ADGRB3: variants seen among roughly 807,000 people sequenced by gnomAD.
The protein encoded by ADGRB3 is adhesion G protein-coupled receptor B3, also known as brain-specific angiogenesis inhibitor 3.
In ADGRB3, 37 loss-of-function variants were observed where a neutral mutation model predicts 193.4. That is an observed-to-expected ratio of 0.19 (90% confidence interval 0.15 to 0.25). ADGRB3 has a LOEUF of 0.25. ADGRB3 is among the 10% of genes least tolerant of loss of function. ADGRB3 has a pLI of 1.00. For missense variants in ADGRB3, 1,637 were observed against 1,852.9 expected (o/e 0.88, Z 2.14); for synonymous variants, 690 against 644.2 (o/e 1.07, Z -1.08).
chr6:69,111,443 T>C (rs1773363276), intron 17 of ADGRB3, among the ~76,000 whole-genome samples: 1 of 152,198 alleles, frequency 6.6e-6, no homozygotes, highest in Admixed American at 6.5e-5. Context: ...AGACAGTGTG[T>C]AGCCCTGTTT....
chr6:69,317,229 G>A (rs1015903477), intron 20 of ADGRB3, among the ~76,000 whole-genome samples: 3 of 151,440 alleles, frequency 2.0e-5, no homozygotes, highest in Non-Finnish European at 3.0e-5. Flanking sequence ...TTCACAGTAC[G>A]TACATCAAAG....
intron 30 of ADGRB3, among the ~76,000 whole-genome samples, chr6:69,376,425 A>G (rs73473356): frequency 0.064 from 9,691 of 151,632 alleles, 958 homozygotes; most frequent in African/African-American, 0.22. Context: ...ACATTTTAGG[A>G]TATTTCTCTG....
At chr6:69,150,966 C>T (rs1178658210) in intron 17 of ADGRB3, among the ~76,000 whole-genome samples, 3 of 152,228 alleles carry the variant, frequency 2.0e-5, no homozygotes, top group African/African-American at 7.2e-5. Flanking sequence ...TGTGGCTGAG[C>T]TAGCATCCAA....
At chr6:68,751,611 G>A (rs906387823) in intron 3 of ADGRB3, among the ~76,000 whole-genome samples, 8 of 152,216 alleles carry the variant, frequency 5.3e-5, no homozygotes, top group Middle Eastern at 3.4e-3. Flanking sequence ...TACCAAGGGA[G>A]CATTTTGCCC....
chr6:69,031,553 TTC>T (rs1770702545), intron 13 of ADGRB3, among the ~76,000 whole-genome samples: 1 of 108,706 alleles, frequency 9.2e-6, no homozygotes, highest in Non-Finnish European at 1.9e-5. Flanking sequence ...TTCTTTCTTT[TTC>T]TTTCTTTCTT....
At chr6:69,008,908 A>G (rs986175670) in intron 11 of ADGRB3, among the ~76,000 whole-genome samples, 2 of 152,162 alleles carry the variant, frequency 1.3e-5, no homozygotes, top group Non-Finnish European at 2.9e-5. Flanking sequence ...AATAAGTGTC[A>G]TCTCTTATTC....
chr6:69,368,179 A>G (rs1035573114), intron 29 of ADGRB3, among the ~76,000 whole-genome samples: 1 of 152,150 alleles, frequency 6.6e-6, no homozygotes, highest in African/African-American at 2.4e-5. Context: ...TGATTTTTCC[A>G]TCGATTCAAC....
chr6:68,922,555 A>G (rs148832301), intron 3 of ADGRB3, among the ~76,000 whole-genome samples: 3 of 152,340 alleles, frequency 2.0e-5, no homozygotes, highest in Admixed American at 1.3e-4. Context: ...CAGGTCTTCT[A>G]CAACTCTTGG....
chr6:68,861,872 G>T (rs1477315152), intron 3 of ADGRB3, among the ~76,000 whole-genome samples: 1 of 152,152 alleles, frequency 6.6e-6, no homozygotes. Context: ...AGATAAAGTT[G>T]TGAGAATTAA....
chr6:69,336,007 TACAC>T (rs1365990386), intron 24 of ADGRB3, among the ~76,000 whole-genome samples: 2 of 152,076 alleles, frequency 1.3e-5, no homozygotes, highest in African/African-American at 4.8e-5. Context: ...AGTTTTATAA[TACAC>T]AAACTATATT....
chr6:68,757,316 A>G (rs1012758488), intron 3 of ADGRB3, among the ~76,000 whole-genome samples: 1 of 152,108 alleles, frequency 6.6e-6, no homozygotes, highest in Non-Finnish European at 1.5e-5. Context: ...CCTCAATTTT[A>G]TATAGATTAG....
At chr6:68,953,382 CTG>C (rs1767985379) in intron 6 of ADGRB3, among the ~76,000 whole-genome samples, 1 of 152,162 alleles carries the variant, frequency 6.6e-6, no homozygotes, top group Non-Finnish European at 1.5e-5. Context: ...ATGTGGATAA[CTG>C]TACATCCTTT....
rs553357922 is a variant in ADGRB3 at position 68,780,214 on chromosome 6, C to A, written c.757+140782C>A. ...TTGAGAATGAAACTGCTATTTGTCCCACTATTTTCTTCTTTGTCTAGTCTC... is the reference window on the plus strand; with the variant it reads ...TTGAGAATGAAACTGCTATTTGTCCAACTATTTTCTTCTTTGTCTAGTCTC... On this transcript the variant is annotated intron_variant, in intron 3 of 31. Transcript: ENST00000370598. 7.3e-3 allele frequency among the ~76,000 whole-genome samples: 1,110 copies of A among 152,098 alleles called. 7 individuals are homozygous for A. Among genetic ancestry groups the A allele is most frequent in the Non-Finnish European group, 0.012 (810 of 67,956 alleles).
At position 68,673,538 on chromosome 6, in the gene ADGRB3, G is replaced by A. The variant is rs183158872; in HGVS notation, c.757+34106G>A. On this transcript the variant is annotated intron_variant, in intron 3 of 31. Transcript: ENST00000370598. ...TATCCTTGTATTAGCTAGAAAGAGAGAGCAGTGTGTTCCTGAAATAAAAGA... is the reference window on the plus strand; with the variant it reads ...TATCCTTGTATTAGCTAGAAAGAGAAAGCAGTGTGTTCCTGAAATAAAAGA... Among the ~76,000 whole-genome samples, 453 of 152,220 alleles carry A rather than the reference G, an allele frequency of 3.0e-3. 2 individuals are homozygous for A. Among genetic ancestry groups the A allele is most frequent in the Non-Finnish European group, 4.1e-3 (282 of 68,000 alleles).
intron 3 of ADGRB3, among the ~76,000 whole-genome samples, chr6:68,770,777 G>T (rs574383186): frequency 1.3e-5 from 2 of 152,230 alleles, no homozygotes; most frequent in South Asian, 4.1e-4. Context: ...CCCATAGATT[G>T]TGATCCCTGA....
intron 16 of ADGRB3, among the ~76,000 whole-genome samples, chr6:69,075,121 T>C (rs920620771): frequency 6.6e-6 from 1 of 152,128 alleles, no homozygotes; most frequent in African/African-American, 2.4e-5. Flanking sequence ...TTTGGAGAGG[T>C]AGTGGTACTG....
intron 18 of ADGRB3, 112 bp from the exon 19 acceptor site, chr6:69,234,920 A>G (rs1316208691): frequency 3.9e-6 from 3 of 764,368 alleles, no homozygotes; most frequent in East Asian, 2.6e-5. Flanking sequence ...TCTGGTAACT[A>G]TAACAACTAT....
intron 3 of ADGRB3, among the ~76,000 whole-genome samples, chr6:68,899,344 G>C (rs1400119063): frequency 6.6e-6 from 1 of 151,708 alleles, no homozygotes; most frequent in Non-Finnish European, 1.5e-5. Context: ...ACATTGTGCA[G>C]GTTAGTTACA....
rs538515372 is a variant in ADGRB3, at chr6:69,026,770, A to G, written c.2107+8271A>G. ...GTTACTGTATTGAATACTGTAGGCAACTGTAACACAAGGGTAAATACTTGT... is the reference window on the plus strand; with the variant it reads ...GTTACTGTATTGAATACTGTAGGCAGCTGTAACACAAGGGTAAATACTTGT... On this transcript the variant is annotated intron_variant, in intron 13 of 31. Transcript: ENST00000370598. Among the ~76,000 whole-genome samples, 6 of 152,328 alleles carry G rather than the reference A, an allele frequency of 3.9e-5. No homozygotes were observed. The East Asian group carries it at 1.2e-3, about 29-fold the overall frequency.
Sources: allele counts gnomAD v4.1 joint callset (sites outside exome capture counted in the v4.1 genomes callset), GRCh38; gene constraint gnomAD v4.1.1; transcripts MANE v1.5; gene names NCBI Gene and HGNC (gene_info 2026-07-23, HGNC 2026-07-21).